XRCC5: variants seen among roughly 807,000 people sequenced by gnomAD.
XRCC5 encodes DNA repair protein Ku80.
In XRCC5, 12 loss-of-function variants were observed where a neutral mutation model predicts 95.7. The ratio of observed to expected loss-of-function variants is 0.13; its 90% CI spans 0.08 to 0.20. The LOEUF is 0.20. Among genes scored for constraint, XRCC5 ranks in the 10% least tolerant of loss-of-function variants. The probability of loss-of-function intolerance (pLI) is 1.00; values close to 1 mark genes in which losing one functional copy is unlikely to be tolerated. For synonymous variants in XRCC5, 281 were observed against 290.3 expected (o/e 0.97, Z 0.33); for missense variants, 595 against 873.9 (o/e 0.68, Z 4.02).
intron 17 of XRCC5, among the ~76,000 whole-genome samples, chr2:216,192,276 G>T (rs1019600965): frequency 1.3e-5 from 2 of 152,228 alleles, no homozygotes; most frequent in African/African-American, 2.4e-5. Context: ...TTACAGGCAT[G>T]AGTCAACATG....
At chr2:216,120,741 G>GTTGT (rs149158936) in intron 5 of XRCC5, among the ~76,000 whole-genome samples, 77,965 of 151,184 alleles carry the variant, frequency 0.52, 20,521 homozygotes, top group Non-Finnish European at 0.56. Context: ...TTTCTTGGTT[G>GTTGT]TTGTTTGTTT....
At chr2:216,184,032 C>CTGTGTGTG (rs3221952) in intron 16 of XRCC5, among the ~76,000 whole-genome samples, 3,117 of 145,674 alleles carry the variant, frequency 0.021, 58 homozygotes, top group African/African-American at 0.057. Flanking sequence ...TAAGTCAGCA[C>CTGTGTGTG]TGTGTGTGTG....
At position 216,122,115 on chromosome 2, in the gene XRCC5, C is replaced by T. The variant is rs1225513162; in HGVS notation, c.545C>T (p.Pro182Leu). The change falls in exon 6 of 21, where the codon CCC (proline) becomes CTC (leucine). Residue 182 changes from proline (P) to leucine (L), a missense_variant. Transcript: ENST00000392132. Reference sequence around the variant, plus strand: ...GGAAGTGGGGACAGAGGAGATGGCCCCTTTCGCTTAGGTGGCCATGGGCCT... The same window carrying T: ...GGAAGTGGGGACAGAGGAGATGGCCTCTTTCGCTTAGGTGGCCATGGGCCT... ...EDGSGDRGDG[P>L]FRLGGHGPSF... The T allele has an allele frequency of 1.2e-6, 2 of 1,614,076 alleles. No homozygotes were observed. Among genetic ancestry groups the T allele is most frequent in the Non-Finnish European group, 1.7e-6 (2 of 1,179,994 alleles).
chr2:216,159,955 T>TTTC (rs200139007), intron 14 of XRCC5, 113 bp from the exon 15 acceptor site: 1 of 602,434 alleles, frequency 1.7e-6, no homozygotes, highest in Non-Finnish European at 2.7e-6. Flanking sequence ...TTATTTTTCT[T>TTTC]TTCTTCTTCT....
At chr2:216,166,159 C>T (rs1450422539) in intron 16 of XRCC5, among the ~76,000 whole-genome samples, 2 of 152,032 alleles carry the variant, frequency 1.3e-5, no homozygotes, top group African/African-American at 2.4e-5. Flanking sequence ...CTCAGTCTGT[C>T]GCCCAGACTG....
rs7580075 is a variant in XRCC5, at chr2:216,157,229, T to G, written c.1671-2839T>G. Reference sequence around the variant, plus strand: ...ATACAACTATTTTCTTTTTTTTTTGTTTTTTTTTTGTTGTTGTTTTTTGAG... The same window carrying G: ...ATACAACTATTTTCTTTTTTTTTTGGTTTTTTTTTGTTGTTGTTTTTTGAG... On this transcript the variant is annotated intron_variant, in intron 14 of 20. Coordinates refer to ENST00000392132, the MANE Select transcript of XRCC5 (RefSeq NM_021141.4). Among the ~76,000 whole-genome samples, 6 of 58,468 alleles carry G rather than the reference T, an allele frequency of 1.0e-4. No homozygotes were observed. The South Asian group carries it at 3.1e-3, about 30-fold the overall frequency. 38.4% of individuals were successfully genotyped at this position (58,468 alleles called of 152,430 possible).
At chr2:216,131,120 A>T (rs41258364) in intron 9 of XRCC5, 133 bp downstream of exon 9, 56,585 of 1,413,378 alleles carry the variant, frequency 0.04, 1,298 homozygotes, top group Non-Finnish European at 0.046. Context: ...CTGGGGGTTA[A>T]TGTTGCCATG....
intron 12 of XRCC5, 54 bp downstream of exon 12, chr2:216,138,233 A>T (rs1697120025): frequency 6.6e-7 from 1 of 1,509,260 alleles, no homozygotes; most frequent in Non-Finnish European, 9.2e-7. Flanking sequence ...GTTCTTGGGA[A>T]ATCACCTGTC....
At chr2:216,116,435 T>A (rs1408726272) in intron 2 of XRCC5, among the ~76,000 whole-genome samples, 1 of 152,196 alleles carries the variant, frequency 6.6e-6, no homozygotes, top group Non-Finnish European at 1.5e-5. Context: ...ACACCTCAAC[T>A]TCTGCTGAAA....
chr2:216,156,603 C>G, intron 14 of XRCC5: 1 of 572,872 alleles, frequency 1.7e-6, no homozygotes, highest in Non-Finnish European at 3.5e-6. Flanking sequence ...AGTAGAAGAC[C>G]TGGACTTAAC....
intron 10 of XRCC5, among the ~76,000 whole-genome samples, chr2:216,135,750 G>T (rs535740610): frequency 1.3e-5 from 2 of 151,872 alleles, no homozygotes; most frequent in East Asian, 3.9e-4. Flanking sequence ...AGTGAGCCGA[G>T]ATTGTGCCAC....
intron 16 of XRCC5, among the ~76,000 whole-genome samples, chr2:216,176,284 A>G (rs1411599627): frequency 6.6e-6 from 1 of 151,964 alleles, no homozygotes; most frequent in Admixed American, 6.6e-5. Context: ...ACACCCGGCA[A>G]ACTTTTGTAT....
At chr2:216,180,742 CT>C (rs1456296595) in intron 16 of XRCC5, among the ~76,000 whole-genome samples, 12 of 151,878 alleles carry the variant, frequency 7.9e-5, no homozygotes, top group Admixed American at 5.2e-4. Flanking sequence ...ATGGCGTGTC[CT>C]GATGTTATTA....
chr2:216,115,223 C>T (rs557006422), intron 2 of XRCC5, among the ~76,000 whole-genome samples: 1 of 152,312 alleles, frequency 6.6e-6, no homozygotes, highest in African/African-American at 2.4e-5. Flanking sequence ...GGAGTCGCCA[C>T]TCCGGAGTTT....
rs1418817494 is a variant in XRCC5 at position 216,205,308 on chromosome 2, AAAT to A, written c.*107_*109del. The A allele has an allele frequency of 7.1e-7, 1 of 1,410,764 alleles. No individual in the cohort carries two copies. Among genetic ancestry groups the A allele is most frequent in the African/African-American group, 1.4e-5 (1 of 70,588 alleles). 87.4% of individuals were successfully genotyped at this position (1,410,764 alleles called of 1,614,324 possible). A position where few individuals can be genotyped will look rare whatever the true frequency, so the allele number is the denominator to read the frequency against. ...ATTCAAGGGGAGCCAAAATCTCAAG[AAAT>A]TCCCAGCAGGTTACCTGGAGGCGGA... On this transcript the variant is annotated 3_prime_UTR_variant, in exon 21 of 21. Transcript: ENST00000392132.
intron 16 of XRCC5, among the ~76,000 whole-genome samples, chr2:216,163,509 T>C (rs207918): frequency 0.62 from 94,169 of 151,696 alleles, 30,378 homozygotes; most frequent in African/African-American, 0.79. Flanking sequence ...AGGCTGGTCT[T>C]GAACTCTTGA....
At chr2:216,156,997 GC>G (rs1233614748) in intron 14 of XRCC5, among the ~76,000 whole-genome samples, 3 of 152,190 alleles carry the variant, frequency 2.0e-5, no homozygotes, top group Admixed American at 6.5e-5. Context: ...GAAGGATCCT[GC>G]CCAGGCGACC....
intron 16 of XRCC5, among the ~76,000 whole-genome samples, chr2:216,183,393 G>T (rs1342419770): frequency 6.6e-6 from 1 of 152,160 alleles, no homozygotes; most frequent in Admixed American, 6.5e-5. Context: ...AGTGCAATTT[G>T]TAAGAAATTA....
At chr2:216,161,893 TA>T (rs1008699732) in intron 15 of XRCC5, 85 bp from the exon 16 acceptor site, 17 of 1,080,448 alleles carry the variant, frequency 1.6e-5, no homozygotes, top group Non-Finnish European at 2.3e-5. Context: ...AGAGCACACT[TA>T]TTACATTAAG....
Sources: allele counts gnomAD v4.1 joint callset (sites outside exome capture counted in the v4.1 genomes callset), GRCh38; gene constraint gnomAD v4.1.1; transcripts MANE v1.5; gene names NCBI Gene and HGNC (gene_info 2026-07-23, HGNC 2026-07-21).